Variants in TFB1M observed in about 807,000 individuals in gnomAD.
TFB1M encodes dimethyladenosine transferase 1, mitochondrial.
TFB1M carries 27 observed loss-of-function variants against 31.1 expected under a neutral mutation model. That is an observed-to-expected ratio of 0.87 (90% CI 0.64 to 1.20). TFB1M has a LOEUF of 1.20. TFB1M is among the 50% of genes most tolerant of loss of function. The pLI is 0.00. For synonymous variants in TFB1M, 166 were observed against 151.8 expected (o/e 1.09, Z -0.69); for missense variants, 394 against 418.7 (o/e 0.94, Z 0.51).
chr6:155,274,944 C>T (rs1022360544), intron 5 of TFB1M, among the ~76,000 whole-genome samples: 5 of 152,146 alleles, frequency 3.3e-5, no homozygotes, highest in African/African-American at 1.2e-4. Flanking sequence ...TTGGGCGAGG[C>T]GTGGTGGCTC....
the TFB1M span, chr6:155,240,484 C>A: frequency 6.4e-7 from 1 of 1,557,730 alleles, no homozygotes; most frequent in Non-Finnish European, 8.7e-7. Context: ...CGGATACTAT[C>A]AGGGAGAGGC....
At chr6:155,268,956 A>C (rs1015931337) in intron 5 of TFB1M, among the ~76,000 whole-genome samples, 1 of 136,152 alleles carries the variant, frequency 7.3e-6, no homozygotes, top group African/African-American at 2.8e-5. Flanking sequence ...TAAAAAAAAA[A>C]AAAAGAAAAA....
Position 155,257,980 on chromosome 6 carries a change from G to A in TFB1M, c.897C>T (p.His299=). Residue 299 remains histidine (H), a synonymous_variant, in exon 7 of 7, where the codon CAC becomes CAT. Transcript: ENST00000367166. ...TLRPRQLSIS[H]FKSLCDVYRK... is the part of the protein sequence containing the mutation. ...TGTATACATCACAGAGGCTCTTAAA[G>A]TGTGAGATGGAGAGCTGGCGGGGCC... The A allele has an allele frequency of 6.2e-7, 1 of 1,614,214 alleles. No homozygotes were observed. The highest frequency in any genetic ancestry group is 8.5e-7 in the Non-Finnish European group (1 of 1,180,034).
intron 5 of TFB1M, among the ~76,000 whole-genome samples, chr6:155,280,882 C>T (rs1486070256): frequency 6.6e-6 from 1 of 152,184 alleles, no homozygotes; most frequent in African/African-American, 2.4e-5. Flanking sequence ...CTTCAAAAGT[C>T]AAGAGTGGAT....
intron 2 of TFB1M, among the ~76,000 whole-genome samples, chr6:155,300,302 A>G (rs778695504): frequency 1.3e-5 from 2 of 152,192 alleles, no homozygotes; most frequent in African/African-American, 2.4e-5. Flanking sequence ...GTTTAGCAAA[A>G]ATAATTGCAT....
At chr6:155,235,236 C>G in the TFB1M span, among the ~76,000 whole-genome samples, 1 of 152,208 alleles carries the variant, frequency 6.6e-6, no homozygotes, top group Non-Finnish European at 1.5e-5. Context: ...CACGAGTTTC[C>G]TTTTCTTCTT....
chr6:155,255,686 G>C (rs1472303054), downstream of TFB1M: 2 of 152,076 alleles, frequency 1.3e-5, no homozygotes, highest in African/African-American at 4.8e-5. Context: ...AGCAGAGACA[G>C]TTCTCATATG....
chr6:155,285,712 C>T (rs1776597195), intron 4 of TFB1M, among the ~76,000 whole-genome samples: 1 of 152,158 alleles, frequency 6.6e-6, no homozygotes. Context: ...GTGTGCTTTT[C>T]AAATTCACTT....
At chr6:155,253,021 C>G (rs138205488), downstream of TFB1M, 1 of 1,614,182 alleles carries the variant, frequency 6.2e-7, no homozygotes, top group Non-Finnish European at 8.5e-7. Flanking sequence ...ATCCCCATCT[C>G]CGCGCTTCAA....
At chr6:155,267,544 C>G (rs1784713232) in intron 5 of TFB1M, among the ~76,000 whole-genome samples, 1 of 152,150 alleles carries the variant, frequency 6.6e-6, no homozygotes, top group South Asian at 2.1e-4. Context: ...TGGACAAGCT[C>G]TGATTGGTGA....
At chr6:155,308,318 T>A (rs553572511) in intron 2 of TFB1M, among the ~76,000 whole-genome samples, 5 of 152,334 alleles carry the variant, frequency 3.3e-5, no homozygotes, top group Admixed American at 6.5e-5. Context: ...TCCAATGGAA[T>A]AACACGACTT....
chr6:155,252,827 A>T, downstream of TFB1M: 1 of 808,206 alleles, frequency 1.2e-6, no homozygotes, highest in Non-Finnish European at 2.0e-6. Context: ...TGCCCTGAAC[A>T]CCCACATGGC....
downstream of TFB1M, chr6:155,252,042 A>G (rs763823343): frequency 1.3e-6 from 2 of 1,509,402 alleles, no homozygotes; most frequent in Non-Finnish European, 1.8e-6. Context: ...CTACCTTTTC[A>G]TAGCTGTATC....
At chr6:155,246,480 AAATTT>A in the TFB1M span, among the ~76,000 whole-genome samples, 102 of 152,242 alleles carry the variant, frequency 6.7e-4, no homozygotes, top group African/African-American at 2.4e-3. Flanking sequence ...CTTTTTAATT[AAATTT>A]AATTAATTAA....
intron 2 of TFB1M, among the ~76,000 whole-genome samples, chr6:155,305,800 CTTGGT>C (rs1777740146): frequency 7.7e-6 from 1 of 130,522 alleles, no homozygotes; most frequent in South Asian, 2.2e-4. Context: ...TTTTAGTGAT[CTTGGT>C]TTGGCAAATA....
chr6:155,275,926 C>T (rs781402574), intron 5 of TFB1M: 1 of 1,614,200 alleles, frequency 6.2e-7, no homozygotes. Flanking sequence ...TGAAACACTC[C>T]ATTCTGTCCC....
At chr6:155,273,633 G>A (rs893914068) in intron 5 of TFB1M, among the ~76,000 whole-genome samples, 1 of 152,054 alleles carries the variant, frequency 6.6e-6, no homozygotes, top group Non-Finnish European at 1.5e-5. Flanking sequence ...TGTTTTCCCT[G>A]GTTCCCAAGG....
chr6:155,235,256 G>A, the TFB1M span, among the ~76,000 whole-genome samples: 1 of 152,140 alleles, frequency 6.6e-6, no homozygotes, highest in Non-Finnish European at 1.5e-5. Context: ...TGACCCAAAC[G>A]GCAATTTTAG....
In TFB1M at chr6:155,257,794, T is replaced by A. The variant is rs1327064160; in HGVS notation, c.*42A>T. ...TACCTATATAAGAAGCTCCACGTAG[T>A]GCAAATCGACATCTGGTAGGCTGCT... On this transcript the variant is annotated 3_prime_UTR_variant, in exon 7 of 7. Coordinates refer to ENST00000367166, the MANE Select transcript of TFB1M (RefSeq NM_016020.4). 1.2e-6 allele frequency: 2 copies of A among 1,612,972 alleles called. No individual in the cohort carries two copies. Among genetic ancestry groups the A allele is most frequent in the Non-Finnish European group, 1.7e-6 (2 of 1,179,610 alleles).
Sources: gnomAD v4.1 joint callset for allele counts (sites outside exome capture counted in the v4.1 genomes callset) on GRCh38, gnomAD v4.1.1 for gene constraint, MANE v1.5 for transcripts, NCBI Gene and HGNC (gene_info 2026-07-23, HGNC 2026-07-21) for gene names.